Variants in LGALS8 observed in about 807,000 individuals in gnomAD.
The protein encoded by LGALS8 is galectin-8.
LGALS8 carries 30 observed loss-of-function variants against 35.9 expected under a neutral mutation model. That is an observed-to-expected ratio of 0.83 (90% CI 0.62 to 1.13). The LOEUF (loss-of-function observed/expected upper bound fraction) is 1.13. Ranked by LOEUF, LGALS8 falls within the 50% of genes most tolerant of loss-of-function variation. The pLI is 0.00. For missense variants in LGALS8, 366 were observed against 388.7 expected, an observed-to-expected ratio of 0.94 and a Z score of 0.49; for synonymous variants, 138 against 136.1, an observed-to-expected ratio of 1.01 and a Z score of -0.10.
chr1:236,525,018 G>A (rs1660738533), intron 1 of LGALS8, among the ~76,000 whole-genome samples: 2 of 152,134 alleles, frequency 1.3e-5, no homozygotes, highest in South Asian at 4.1e-4. Flanking sequence ...GCTTAAAGTC[G>A]AGTTTTTCCT....
chr1:236,550,712 GA>G lies in LGALS8; in HGVS notation c.*2552del. ...ATTTACTCTTTCTGCAGCTCTATAC[GA>G]TAGGCAGGAGAGGCTTATGTGGCAG... On this transcript the variant is annotated 3_prime_UTR_variant, in exon 10 of 10. Coordinates refer to ENST00000366584, the MANE Select transcript of LGALS8 (RefSeq NM_201544.4). 7.6e-6 allele frequency: 4 copies of G among 523,626 alleles called. No individual in the cohort carries two copies. The highest frequency in any genetic ancestry group is 1.3e-5 in the Non-Finnish European group (4 of 297,816). 32.4% of individuals were successfully genotyped at this position (523,626 alleles called of 1,614,324 possible).
At position 236,543,599 on chromosome 1, in the gene LGALS8, C is replaced by T. The variant is rs143340305; in HGVS notation, c.589C>T (p.Pro197Ser). 6.2e-4 allele frequency: 997 copies of T among 1,613,970 alleles called. 1 individual carries two copies. The highest frequency in any genetic ancestry group is 7.4e-4 in the Non-Finnish European group (869 of 1,180,004). ...FAARLNTPMG[P>S]GRTVVVKGEV... ...TGCAAGGTTGAACACCCCCATGGGC[C>T]CTGGACGAACTGTCGTCGTTAAAGG... Residue 197 changes from proline to serine, a missense_variant, in exon 8 of 10, where the codon CCT (proline) becomes TCT (serine). Physicochemically the swap from Pro to Ser is moderately conservative, Grantham distance 74. Transcript: ENST00000366584.
At chr1:236,528,113 T>C (rs1446230499) in intron 2 of LGALS8, among the ~76,000 whole-genome samples, 2 of 151,480 alleles carry the variant, frequency 1.3e-5, no homozygotes, top group African/African-American at 2.4e-5. Flanking sequence ...CTGGGCATGG[T>C]GGCTCACACC....
At chr1:236,527,689 C>CAAAAA (rs74680187) in intron 2 of LGALS8, among the ~76,000 whole-genome samples, 156 of 150,302 alleles carry the variant, frequency 1.0e-3, no homozygotes, top group African/African-American at 3.4e-3. Flanking sequence ...TTCAATGTTC[C>CAAAAA]AAAAAAAAAG....
chr1:236,529,610 G>T (rs1367381694), intron 2 of LGALS8, among the ~76,000 whole-genome samples: 3 of 142,254 alleles, frequency 2.1e-5, no homozygotes, highest in Non-Finnish European at 4.5e-5. Context: ...AAAAAGTTAG[G>T]CTTCCTTTTC....
chr1:236,528,455 A>G (rs1215614632), intron 2 of LGALS8, among the ~76,000 whole-genome samples: 3 of 151,334 alleles, frequency 2.0e-5, no homozygotes, highest in Admixed American at 2.0e-4. Flanking sequence ...GATAGGTTCA[A>G]TAAGTAAATA....
Position 236,551,728 on chromosome 1 carries a change from A to G in LGALS8, c.*3567A>G. On this transcript the variant is annotated 3_prime_UTR_variant, in exon 10 of 10. Transcript: ENST00000366584. ...ACTGTAATCTGCTTGTATGATCACA[A>G]ACCACCACAAAAGAAAAGATCGTGA... The G allele has an allele frequency of 2.9e-6, 1 of 346,542 alleles. No individual in the cohort carries two copies. Among genetic ancestry groups the G allele is most frequent in the Non-Finnish European group, 5.3e-6 (1 of 189,864 alleles). The allele number at this position is 346,542 out of a possible 1,614,324, so 21.5% of individuals were successfully genotyped here. A position where few individuals can be genotyped will look rare whatever the true frequency, so the allele number is the denominator to read the frequency against.
rs1208450857 is a variant in LGALS8, at chr1:236,550,543, AC to A, written c.*2383del. On this transcript the variant is annotated 3_prime_UTR_variant, in exon 10 of 10. Transcript: ENST00000366584. ...TACCATGTATGTAAGATACTGCTGT[AC>A]AGAAGAGTTAAGGCTTACAGTGCAA... 2 of 195,288 alleles carry A rather than the reference AC, an allele frequency of 1.0e-5. No homozygotes were observed. Among genetic ancestry groups the A allele is most frequent in the East Asian group, 2.6e-4 (2 of 7,816 alleles). 12.1% of individuals were successfully genotyped at this position (195,288 alleles called of 1,614,324 possible).
Position 236,547,995 on chromosome 1 carries a change from G to A in LGALS8, c.805-17G>A, listed in dbSNP as rs547431076. ...AACTAAGGGGAACCACTAATGGCATGTATCCTTTCCTTTCAGATGATAATT... is the reference window on the plus strand; with the variant it reads ...AACTAAGGGGAACCACTAATGGCATATATCCTTTCCTTTCAGATGATAATT... On this transcript the variant is annotated splice_polypyrimidine_tract_variant and intron_variant, in intron 9 of 9. Coordinates refer to ENST00000366584, the MANE Select transcript of LGALS8 (RefSeq NM_201544.4). 1 of 1,604,680 alleles carries A rather than the reference G, an allele frequency of 6.2e-7. No individual in the cohort carries two copies. Among genetic ancestry groups the A allele is most frequent in the Non-Finnish European group, 8.5e-7 (1 of 1,172,628 alleles).
Position 236,548,003 on chromosome 1 carries a change from T to C in LGALS8, c.805-9T>C, listed in dbSNP as rs775846278. On this transcript the variant is annotated splice_polypyrimidine_tract_variant and intron_variant, in intron 9 of 9. Coordinates refer to ENST00000366584, the MANE Select transcript of LGALS8 (RefSeq NM_201544.4). ...GGAACCACTAATGGCATGTATCCTT[T>C]CCTTTCAGATGATAATTTATTGTGA... 9 of 1,608,386 alleles carry C rather than the reference T, an allele frequency of 5.6e-6. No individual in the cohort carries two copies. The highest frequency in any genetic ancestry group is 6.8e-6 in the Non-Finnish European group (8 of 1,175,732).
intron 9 of LGALS8, among the ~76,000 whole-genome samples, chr1:236,547,681 G>GC (rs376529095): frequency 0.18 from 6,893 of 38,182 alleles, 199 homozygotes; most frequent in Non-Finnish European, 0.21. Flanking sequence ...TCGGCGAGGA[G>GC]GGGCAGCACT....
At chr1:236,547,873 G>A in intron 9 of LGALS8, 139 bp from the exon 10 acceptor site, 1 of 560,798 alleles carries the variant, frequency 1.8e-6, no homozygotes, top group Non-Finnish European at 3.1e-6. Context: ...GGTCTTGGAA[G>A]TCAGAAGGAA....
intron 6 of LGALS8, among the ~76,000 whole-genome samples, chr1:236,542,002 C>T (rs1044466544): frequency 2.6e-5 from 4 of 152,136 alleles, no homozygotes; most frequent in Non-Finnish European, 5.9e-5. Context: ...GAACATCAGC[C>T]AGTGCACTGG....
upstream of LGALS8, among the ~76,000 whole-genome samples, chr1:236,519,639 C>T (rs377705271): frequency 6.6e-5 from 10 of 152,338 alleles, no homozygotes; most frequent in East Asian, 1.3e-3. Context: ...CTCCTCTCCA[C>T]GGATCATTCA....
Position 236,538,917 on chromosome 1 carries a change from C to T in LGALS8, c.173C>T (p.Pro58Leu). Reference protein sequence around the residue: ...VDLQNGSSMKPRADVAFHFNP... With the variant: ...VDLQNGSSMKLRADVAFHFNP... ...CTGCAGAATGGCAGCAGCATGAAAC[C>T]TCGAGCCGATGTGGCCTTTCATTTC... The change falls in exon 4 of 10, where the codon CCT becomes CTT. Residue 58 changes from proline to leucine, a missense_variant. Physicochemically the swap from Pro to Leu is moderately conservative, Grantham distance 98. Transcript: ENST00000366584. 1 of 1,613,438 alleles carries T rather than the reference C, an allele frequency of 6.2e-7. No individual in the cohort carries two copies.
At position 236,551,057 on chromosome 1, in the gene LGALS8, TTTAA is replaced by T. The variant is rs1572027208; in HGVS notation, c.*2899_*2902del. ...GTCCGCCTGCCTCGGTTCTCATTAG[TTTAA>T]TTCTTAATGCCTTGCACTTTCCGGC... On this transcript the variant is annotated 3_prime_UTR_variant, in exon 10 of 10. Transcript: ENST00000366584. The T allele has an allele frequency of 9.5e-6, 12 of 1,257,360 alleles. No homozygotes were observed. In the East Asian group the frequency reaches 1.5e-4, roughly 15 times the overall value. The allele number at this position is 1,257,360 out of a possible 1,614,324, so 77.9% of individuals were successfully genotyped here. A position where few individuals can be genotyped will look rare whatever the true frequency, so the allele number is the denominator to read the frequency against.
At chr1:236,535,465 CTCACTTA>C (rs1661427993) in intron 2 of LGALS8, among the ~76,000 whole-genome samples, 1 of 151,582 alleles carries the variant, frequency 6.6e-6, no homozygotes, top group African/African-American at 2.4e-5. Flanking sequence ...AGATTACTTT[CTCACTTA>C]TATTACTAAC....
chr1:236,531,450 A>C (rs1272804064), intron 2 of LGALS8, among the ~76,000 whole-genome samples: 6 of 152,020 alleles, frequency 3.9e-5, no homozygotes, highest in African/African-American at 1.5e-4. Context: ...CAGCCTCCGG[A>C]GTAGCTGGGA....
Position 236,524,065 on chromosome 1 carries a change from A to T in LGALS8, c.-104+4A>T. On this transcript the variant is annotated splice_donor_region_variant and intron_variant, in intron 1 of 9. Transcript: ENST00000366584. ...CGCCTGAAACACCAGTCTTTGGGTG[A>T]GTCGCGCGACCCCCGGCCTCGGGTG... 1 of 454,592 alleles carries T rather than the reference A, an allele frequency of 2.2e-6. No individual in the cohort carries two copies. Among genetic ancestry groups the T allele is most frequent in the Non-Finnish European group, 4.4e-6 (1 of 226,564 alleles). 28.2% of individuals were successfully genotyped at this position (454,592 alleles called of 1,614,324 possible). A position where few individuals can be genotyped will look rare whatever the true frequency, so the allele number is the denominator to read the frequency against.
Sources: allele counts gnomAD v4.1 joint callset (sites outside exome capture counted in the v4.1 genomes callset), GRCh38; gene constraint gnomAD v4.1.1; transcripts MANE v1.5; gene names NCBI Gene and HGNC (gene_info 2026-07-23, HGNC 2026-07-21).